The following CSMD1 variants were observed in gnomAD, a reference collection of about 807,000 sequenced individuals.
CSMD1 encodes the protein CUB and sushi domain-containing protein 1.
Under a neutral mutation model 417.5 loss-of-function variants are expected in CSMD1, and 213 were observed. The ratio of observed to expected loss-of-function variants is 0.51; its 90% CI spans 0.46 to 0.57. The LOEUF is 0.57. CSMD1 is among the 20% of genes least tolerant of loss of function. CSMD1 has a pLI of 0.00. For synonymous variants in CSMD1, 2,862 were observed against 1,736.8 expected, an observed-to-expected ratio of 1.65 and a Z score of -16.11; for missense variants, 6,923 against 4,529.7, an observed-to-expected ratio of 1.53 and a Z score of -15.17.
intron 10 of CSMD1, among the ~76,000 whole-genome samples, chr8:3,535,481 G>C (rs879140108): frequency 6.6e-6 from 1 of 152,102 alleles, no homozygotes; most frequent in African/African-American, 2.4e-5. Flanking sequence ...ACTTATAAGT[G>C]GGAGCTAAAT....
At chr8:4,312,465 G>GTATATATATACGTATATATATGCGCGTA (rs1798683054) in intron 3 of CSMD1, among the ~76,000 whole-genome samples, 4 of 119,246 alleles carry the variant, frequency 3.4e-5, no homozygotes, top group African/African-American at 1.2e-4. Flanking sequence ...ATATATGCGC[G>GTATATATATACGTATATATATGCGCGTA]TATATATATA....
chr8:4,750,854 G>A (rs957671527), intron 1 of CSMD1, among the ~76,000 whole-genome samples: 8 of 152,062 alleles, frequency 5.3e-5, no homozygotes, highest in African/African-American at 1.9e-4. Flanking sequence ...TGAGATATTG[G>A]GATTTAGTGA....
chr8:4,888,556 A>G (rs1744293208), intron 1 of CSMD1, among the ~76,000 whole-genome samples: 1 of 151,938 alleles, frequency 6.6e-6, no homozygotes, highest in African/African-American at 2.4e-5. Context: ...GTGAGAGTCT[A>G]TGGACCCCTG....
chr8:3,500,671 C>G (rs780271214), intron 10 of CSMD1, among the ~76,000 whole-genome samples: 1 of 152,040 alleles, frequency 6.6e-6, no homozygotes, highest in Admixed American at 6.6e-5. Context: ...AGGGAGTGAT[C>G]ACATGTGTTG....
At chr8:4,055,505 G>C (rs911878682) in intron 3 of CSMD1, among the ~76,000 whole-genome samples, 1 of 140,630 alleles carries the variant, frequency 7.1e-6, no homozygotes, top group Non-Finnish European at 1.5e-5. Context: ...ATATAAATAA[G>C]AGTCAAAATC....
chr8:3,880,055 T>A (rs1276072737), intron 5 of CSMD1, among the ~76,000 whole-genome samples: 1 of 139,478 alleles, frequency 7.2e-6, no homozygotes, highest in African/African-American at 3.1e-5. Context: ...ATAAAAGATT[T>A]TCTTTTTTTT....
At chr8:3,387,392 T>C (rs1811070571) in intron 18 of CSMD1, 102 bp downstream of exon 18, 1 of 945,702 alleles carries the variant, frequency 1.1e-6, no homozygotes, top group African/African-American at 1.7e-5. Context: ...ACGCCAGTCG[T>C]AAGGTACCAC....
intron 7 of CSMD1, among the ~76,000 whole-genome samples, chr8:3,675,293 G>C (rs534803747): frequency 6.6e-6 from 1 of 152,138 alleles, no homozygotes; most frequent in African/African-American, 2.4e-5. Flanking sequence ...TGGAGGGTTG[G>C]CAGCACTATG....
intron 23 of CSMD1, among the ~76,000 whole-genome samples, chr8:3,317,768 AGTAAAATTTCAT>A (rs1340793636): frequency 6.6e-6 from 1 of 152,206 alleles, no homozygotes; most frequent in Non-Finnish European, 1.5e-5. Flanking sequence ...TTTTGTGTTT[AGTAAAATTTCAT>A]GTAAAATAAA....
In CSMD1 at chr8:4,772,718, C is replaced by G. The variant is rs1449676671; in HGVS notation, c.86-135160G>C. On this transcript the variant is annotated intron_variant, in intron 1 of 69. Transcript: ENST00000635120. ...GATGTGCATTGAGTTAAGTTTGAGG[C>G]TTGAATTCAGATGAAGTGGATTCAG... 3.3e-5 allele frequency among the ~76,000 whole-genome samples: 5 copies of G among 152,104 alleles called. No homozygotes were observed. In the East Asian group the frequency reaches 5.8e-4, roughly 18 times the overall value.
At chr8:3,848,099 A>G (rs1312101753) in intron 5 of CSMD1, among the ~76,000 whole-genome samples, 3 of 151,956 alleles carry the variant, frequency 2.0e-5, no homozygotes, top group Non-Finnish European at 2.9e-5. Context: ...CTAAATATAT[A>G]TACTTACTTA....
intron 1 of CSMD1, among the ~76,000 whole-genome samples, chr8:4,836,222 ATAGGT>A (rs1800480612): frequency 6.6e-6 from 1 of 152,210 alleles, no homozygotes; most frequent in African/African-American, 2.4e-5. Context: ...GAGGTATTAG[ATAGGT>A]TAATTAACTA....
intron 5 of CSMD1, among the ~76,000 whole-genome samples, chr8:3,996,717 C>G (rs1018805141): frequency 2.6e-5 from 4 of 152,224 alleles, no homozygotes; most frequent in South Asian, 4.1e-4. Context: ...AAAACAAAGA[C>G]AATCTAGGTA....
At chr8:3,367,490 G>A (rs1290245468) in intron 19 of CSMD1, among the ~76,000 whole-genome samples, 1 of 151,910 alleles carries the variant, frequency 6.6e-6, no homozygotes, top group Non-Finnish European at 1.5e-5. Flanking sequence ...GAGAGGTTAG[G>A]AGAGGTAACA....
chr8:4,868,923 A>T (rs1236685453), intron 1 of CSMD1, among the ~76,000 whole-genome samples: 1 of 152,064 alleles, frequency 6.6e-6, no homozygotes, highest in Admixed American at 6.5e-5. Flanking sequence ...AATCACTCAT[A>T]TGTGTGTAGT....
chr8:4,064,556 C>A (rs1472878574), intron 3 of CSMD1, among the ~76,000 whole-genome samples: 1 of 152,200 alleles, frequency 6.6e-6, no homozygotes, highest in Non-Finnish European at 1.5e-5. Context: ...TCGATGTCAA[C>A]ACACAGCTCC....
Position 3,958,428 on chromosome 8 carries a change from T to A in CSMD1, c.818+39475A>T, listed in dbSNP as rs1457281103. ...AAAAAATGGTGAGTTCATGGAAGCA[T>A]GTGCACGTTTTTGAAATATTTGTTT... On this transcript the variant is annotated intron_variant, in intron 5 of 69. Transcript: ENST00000635120. Among the ~76,000 whole-genome samples the A allele has an allele frequency of 2.0e-5, 3 of 151,722 alleles. No individual in the cohort carries two copies. In the East Asian group the frequency reaches 5.8e-4, roughly 29 times the overall value.
At chr8:3,056,500 TGGGGA>T (rs35275555) in intron 49 of CSMD1, among the ~76,000 whole-genome samples, 22,133 of 152,018 alleles carry the variant, frequency 0.15, 1,897 homozygotes, top group African/African-American at 0.24. Context: ...CCCCAGTAGC[TGGGGA>T]CTACAGGCCC....
intron 1 of CSMD1, among the ~76,000 whole-genome samples, chr8:4,951,755 C>A (rs1808764349): frequency 6.6e-6 from 1 of 151,408 alleles, no homozygotes; most frequent in Non-Finnish European, 1.5e-5. Flanking sequence ...CTTTCTCCAC[C>A]CACACCCCCT....
Sources: allele counts gnomAD v4.1 joint callset (sites outside exome capture counted in the v4.1 genomes callset), GRCh38; gene constraint gnomAD v4.1.1; transcripts MANE v1.5; gene names NCBI Gene and HGNC (gene_info 2026-07-23, HGNC 2026-07-21).